DMC1: variants seen among roughly 807,000 people sequenced by gnomAD.
DMC1 encodes DNA meiotic recombinase 1.
A neutral mutation model predicts 50.1 loss-of-function variants in DMC1; 27 were observed. The ratio of observed to expected loss-of-function variants is 0.54; its 90% CI spans 0.40 to 0.74. DMC1 has a LOEUF of 0.74. DMC1 is among the 30% of genes least tolerant of loss of function. The pLI, the probability that DMC1 is intolerant of heterozygous loss-of-function variation, is 0.00. For synonymous variants in DMC1, 148 were observed against 136.1 expected (o/e 1.09, Z -0.61); for missense variants, 295 against 420.2 (o/e 0.70, Z 2.60).
rs1478895993 is a variant in DMC1 at position 38,570,109 on chromosome 22, C to T, written c.-100G>A. ...GCCCCTCTGCCCCGCCCGACCTCCT[C>T]AGCTGACAGGATTCTAACTCGGGCC... On this transcript the variant is annotated 5_prime_UTR_variant, in exon 1 of 14. Transcript: ENST00000216024. 6.6e-6 allele frequency: 1 copy of T among 152,188 alleles called. No individual in the cohort carries two copies. The highest frequency in any genetic ancestry group is 1.5e-5 in the Non-Finnish European group (1 of 68,112). The allele number at this position is 152,188 out of a possible 1,614,324, so 9.4% of individuals were successfully genotyped here.
chr22:38,540,349 AGTT>A (rs1414543377), intron 8 of DMC1, among the ~76,000 whole-genome samples: 1 of 152,162 alleles, frequency 6.6e-6, no homozygotes, highest in Non-Finnish European at 1.5e-5. Context: ...CCTAGCCAGG[AGTT>A]GTTAGCTTTC....
intron 11 of DMC1, 46 bp downstream of exon 11, chr22:38,538,249 A>C: frequency 6.7e-7 from 1 of 1,499,058 alleles, no homozygotes; most frequent in Non-Finnish European, 9.3e-7. Flanking sequence ...TGCAAAGTAT[A>C]CTTGACAAAC....
At chr22:38,513,775 A>G in the DMC1 span, among the ~76,000 whole-genome samples, 4 of 152,198 alleles carry the variant, frequency 2.6e-5, no homozygotes, top group African/African-American at 9.6e-5. Flanking sequence ...CATGTTGGCC[A>G]GGCTGGCCTT....
chr22:38,547,636 T>G (rs1222306142), intron 8 of DMC1, among the ~76,000 whole-genome samples: 1 of 151,996 alleles, frequency 6.6e-6, no homozygotes, highest in Non-Finnish European at 1.5e-5. Flanking sequence ...CGCCTCCCAG[T>G]TCAAGCGATT....
chr22:38,520,160 G>GCC, intron 13 of DMC1, 71 bp from the exon 14 acceptor site: 1 of 1,256,780 alleles, frequency 8.0e-7, no homozygotes, highest in Non-Finnish European at 1.2e-6. Context: ...CATGTCACAG[G>GCC]CATTATGTGC....
chr22:38,532,042 C>A (rs569177101), intron 12 of DMC1, among the ~76,000 whole-genome samples: 1 of 152,284 alleles, frequency 6.6e-6, no homozygotes, highest in Admixed American at 6.5e-5. Context: ...GAAGAAAGAA[C>A]ATTGCTCTTT....
intron 5 of DMC1, among the ~76,000 whole-genome samples, chr22:38,557,956 C>CTTGTTTTTTTTTTTTTTTTT (rs2090484668): frequency 1.6e-5 from 1 of 62,712 alleles, no homozygotes. Flanking sequence ...AGACAAAGTT[C>CTTGTTTTTTTTTTTTTTTTT]TTTTTTTTTT....
intron 8 of DMC1, among the ~76,000 whole-genome samples, chr22:38,545,015 T>C (rs2090328595): frequency 6.6e-6 from 1 of 152,124 alleles, no homozygotes; most frequent in African/African-American, 2.4e-5. Context: ...AATAGCTATA[T>C]GAAAAGGTGC....
intron 12 of DMC1, among the ~76,000 whole-genome samples, chr22:38,530,876 C>A (rs991628429): frequency 6.6e-6 from 1 of 152,092 alleles, no homozygotes; most frequent in Admixed American, 6.6e-5. Flanking sequence ...TCAAGACCAG[C>A]CTGGCCAACA....
At chr22:38,566,537 A>C in intron 4 of DMC1, 53 bp downstream of exon 4, 1 of 1,602,878 alleles carries the variant, frequency 6.2e-7, no homozygotes, top group African/African-American at 1.3e-5. Context: ...AAAGCCTATA[A>C]AGATTCACAA....
chr22:38,556,936 G>A (rs1306566081), intron 5 of DMC1, among the ~76,000 whole-genome samples: 2 of 152,162 alleles, frequency 1.3e-5, no homozygotes, highest in East Asian at 3.8e-4. Flanking sequence ...TAGTGTACCT[G>A]CACAACTTAA....
intron 6 of DMC1, among the ~76,000 whole-genome samples, chr22:38,553,956 CAAAAAAAAAAA>C (rs35690372): frequency 5.8e-5 from 2 of 34,750 alleles, no homozygotes; most frequent in Non-Finnish European, 1.1e-4. Flanking sequence ...ACTCCATCTC[CAAAAAAAAAAA>C]AAAAAAAAAA....
At chr22:38,550,821 C>T (rs2090395977) in intron 7 of DMC1, among the ~76,000 whole-genome samples, 3 of 149,826 alleles carry the variant, frequency 2.0e-5, no homozygotes, top group Middle Eastern at 6.8e-3. Flanking sequence ...ATCCCAGCTA[C>T]TCTGGAGGCT....
chr22:38,558,118 T>G (rs1310325444), intron 5 of DMC1, among the ~76,000 whole-genome samples: 1 of 151,560 alleles, frequency 6.6e-6, no homozygotes, highest in Non-Finnish European at 1.5e-5. Context: ...CCCGCCACCA[T>G]GCCCGGCTAA....
intron 1 of DMC1, chr22:38,569,306 T>G (rs2090613851): frequency 6.6e-6 from 1 of 152,200 alleles, no homozygotes; most frequent in Non-Finnish European, 1.5e-5. Context: ...TTGTGTTTAT[T>G]TATTACAATA....
intron 5 of DMC1, among the ~76,000 whole-genome samples, chr22:38,561,342 G>C (rs1762916835): frequency 6.6e-6 from 1 of 151,802 alleles, no homozygotes; most frequent in Non-Finnish European, 1.5e-5. Context: ...TTAATCTATA[G>C]GTCTTCTCCC....
intron 7 of DMC1, among the ~76,000 whole-genome samples, chr22:38,551,963 C>A (rs2090417447): frequency 6.6e-6 from 1 of 151,066 alleles, no homozygotes; most frequent in Admixed American, 6.6e-5. Flanking sequence ...CGGGTTCACG[C>A]CATTCTCCTG....
intron 12 of DMC1, among the ~76,000 whole-genome samples, chr22:38,534,658 G>C (rs1417811435): frequency 6.6e-6 from 1 of 151,294 alleles, no homozygotes; most frequent in African/African-American, 2.4e-5. Flanking sequence ...AGCTGAGATG[G>C]TGCTGCTGCA....
chr22:38,548,431 C>G (rs1013015308), intron 8 of DMC1, among the ~76,000 whole-genome samples: 3 of 152,104 alleles, frequency 2.0e-5, no homozygotes, highest in Non-Finnish European at 4.4e-5. Context: ...AAAAATTAGC[C>G]AGGCGTGGTG....
Sources: gnomAD v4.1 joint callset for allele counts (sites outside exome capture counted in the v4.1 genomes callset) on GRCh38, gnomAD v4.1.1 for gene constraint, MANE v1.5 for transcripts, NCBI Gene and HGNC (gene_info 2026-07-23, HGNC 2026-07-21) for gene names.